Variants in THSD4 observed in about 807,000 individuals in gnomAD.
THSD4 encodes thrombospondin type 1 domain containing 4.
A neutral mutation model predicts 119.0 loss-of-function variants in THSD4; 69 were observed. The ratio of observed to expected loss-of-function variants is 0.58; its 90% CI spans 0.48 to 0.71. THSD4 has a LOEUF of 0.71. THSD4 is among the 30% of genes least tolerant of loss of function. The probability of loss-of-function intolerance (pLI) is 0.00; values close to 1 mark genes in which losing one functional copy is unlikely to be tolerated. For synonymous variants in THSD4, 524 were observed against 540.4 expected, an observed-to-expected ratio of 0.97 and a Z score of 0.42; for missense variants, 1,393 against 1,391.1, an observed-to-expected ratio of 1.00 and a Z score of -0.02.
At chr15:71,369,266 C>G (rs1271067810) in intron 6 of THSD4, among the ~76,000 whole-genome samples, 1 of 152,054 alleles carries the variant, frequency 6.6e-6, no homozygotes, top group East Asian at 1.9e-4. Flanking sequence ...AATTCAATAC[C>G]CTTTATTTCT....
intron 6 of THSD4, among the ~76,000 whole-genome samples, chr15:71,389,810 G>GGTTTTTTT (rs1555408976): frequency 4.5e-5 from 4 of 87,998 alleles, no homozygotes; most frequent in African/African-American, 1.7e-4. Context: ...TTTCTGGGTT[G>GGTTTTTTT]TTTTTTTTTT....
chr15:71,129,419 A>G (rs1283439296), intron 1 of THSD4, among the ~76,000 whole-genome samples: 2 of 152,238 alleles, frequency 1.3e-5, no homozygotes, highest in East Asian at 3.8e-4. Context: ...CAGAAGAGAC[A>G]GGAAGAGAGC....
At chr15:71,609,628 A>G (rs1313687103) in intron 7 of THSD4, among the ~76,000 whole-genome samples, 2 of 152,092 alleles carry the variant, frequency 1.3e-5, no homozygotes, top group Non-Finnish European at 2.9e-5. Context: ...CGAGGCGGGC[A>G]GATCACGAGG....
intron 7 of THSD4, 68 bp downstream of exon 7, chr15:71,411,891 C>T (rs528346341): frequency 1.9e-6 from 3 of 1,593,552 alleles, no homozygotes; most frequent in African/African-American, 1.3e-5. Context: ...CCATTGTTTT[C>T]CAGGGAGAGA....
At chr15:71,475,778 T>C (rs1001283899) in intron 7 of THSD4, among the ~76,000 whole-genome samples, 3 of 152,104 alleles carry the variant, frequency 2.0e-5, no homozygotes, top group Non-Finnish European at 2.9e-5. Flanking sequence ...TTTTTAAAAA[T>C]TAGCTGGGCA....
At chr15:71,098,316 C>T (rs552256309) in intron 1 of THSD4, among the ~76,000 whole-genome samples, 5 of 148,612 alleles carry the variant, frequency 3.4e-5, no homozygotes, top group Non-Finnish European at 7.4e-5. Flanking sequence ...CCACCTCAGC[C>T]TCTCGAGTAG....
chr15:71,139,369 G>A (rs1319763032), intron 1 of THSD4, among the ~76,000 whole-genome samples: 2 of 152,194 alleles, frequency 1.3e-5, no homozygotes, highest in African/African-American at 2.4e-5. Flanking sequence ...CAGGGACTTG[G>A]CAAAGACTTC....
intron 6 of THSD4, among the ~76,000 whole-genome samples, chr15:71,352,884 G>A (rs1010658270): frequency 6.6e-6 from 1 of 152,226 alleles, no homozygotes; most frequent in African/African-American, 2.4e-5. Context: ...GGACATGGGT[G>A]GAAGGACATT....
At position 71,589,364 on chromosome 15, in the gene THSD4, T is replaced by A. The variant is rs536234008; in HGVS notation, c.1153-71166T>A. Among the ~76,000 whole-genome samples, 236 of 131,392 alleles carry A rather than the reference T, an allele frequency of 1.8e-3. 36 individuals carry two copies. Among genetic ancestry groups the A allele is most frequent in the African/African-American group, 5.1e-3 (197 of 38,644 alleles). 86.2% of individuals were successfully genotyped at this position (131,392 alleles called of 152,430 possible). ...ATATAAATTATTTATTTATTTATTT[T>A]TTTATTTATTGGAGACAGAGTCTCA... On this transcript the variant is annotated intron_variant, in intron 7 of 17. Transcript: ENST00000261862.
chr15:71,570,082 C>T (rs957893960), intron 7 of THSD4, among the ~76,000 whole-genome samples: 3 of 152,076 alleles, frequency 2.0e-5, no homozygotes, highest in African/African-American at 7.2e-5. Context: ...ATATATTAGC[C>T]CTTTGACTCA....
At chr15:71,299,398 G>A (rs2140335196) in intron 6 of THSD4, among the ~76,000 whole-genome samples, 1 of 152,310 alleles carries the variant, frequency 6.6e-6, no homozygotes, top group South Asian at 2.1e-4. Context: ...TTGAGCAAAA[G>A]AAAAACAATG....
chr15:71,651,116 C>A (rs1328499141), intron 7 of THSD4, among the ~76,000 whole-genome samples: 1 of 152,162 alleles, frequency 6.6e-6, no homozygotes, highest in Non-Finnish European at 1.5e-5. Context: ...AGGCCTGCCC[C>A]CCAGTGGAGT....
chr15:71,707,806 G>A (rs902212325), intron 8 of THSD4, among the ~76,000 whole-genome samples: 1 of 152,152 alleles, frequency 6.6e-6, no homozygotes, highest in African/African-American at 2.4e-5. Context: ...AACCAAGCAA[G>A]CTAACATTTT....
At chr15:71,462,291 C>G (rs1219822829) in intron 7 of THSD4, among the ~76,000 whole-genome samples, 1 of 152,052 alleles carries the variant, frequency 6.6e-6, no homozygotes, top group Non-Finnish European at 1.5e-5. Context: ...TCTCAAGTAG[C>G]TGAGATTACA....
At chr15:71,233,398 A>G (rs1312696935) in intron 4 of THSD4, among the ~76,000 whole-genome samples, 1 of 152,174 alleles carries the variant, frequency 6.6e-6, no homozygotes, top group Non-Finnish European at 1.5e-5. Flanking sequence ...CATTGCCCAG[A>G]GTTTCCTTTT....
At chr15:71,324,611 C>T (rs1433540457) in intron 6 of THSD4, among the ~76,000 whole-genome samples, 1 of 152,174 alleles carries the variant, frequency 6.6e-6, no homozygotes, top group Admixed American at 6.5e-5. Context: ...CCTCCAGCTC[C>T]ATCCAAGTTG....
Position 71,779,865 on chromosome 15 carries a change from C to T in THSD4, c.*2491C>T, listed in dbSNP as rs996054319. The T allele has an allele frequency of 6.8e-6, 1 of 147,134 alleles. No individual in the cohort carries two copies. Among genetic ancestry groups the T allele is most frequent in the Admixed American group, 6.8e-5 (1 of 14,762 alleles). The allele number at this position is 147,134 out of a possible 1,614,324, so 9.1% of individuals were successfully genotyped here. ...GGGTCTCTTTTTTTTTTTCAACAAA[C>T]CATTGAGCTGTTCTTGGAGTTCATC... On this transcript the variant is annotated 3_prime_UTR_variant, in exon 18 of 18. Transcript: ENST00000261862.
chr15:71,739,292 C>T (rs896299003), intron 11 of THSD4, among the ~76,000 whole-genome samples: 3 of 152,082 alleles, frequency 2.0e-5, no homozygotes, highest in African/African-American at 7.2e-5. Flanking sequence ...CCCCTCACCA[C>T]AAGGGAGTCC....
At chr15:71,376,698 AAGGGATCCC>A in intron 6 of THSD4, among the ~76,000 whole-genome samples, 1 of 152,182 alleles carries the variant, frequency 6.6e-6, no homozygotes, top group Non-Finnish European at 1.5e-5. Flanking sequence ...TTATCCAAGA[AAGGGATCCC>A]AGGTGATGGG....
Sources: allele counts gnomAD v4.1 joint callset (sites outside exome capture counted in the v4.1 genomes callset), GRCh38; gene constraint gnomAD v4.1.1; transcripts MANE v1.5; gene names NCBI Gene and HGNC (gene_info 2026-07-23, HGNC 2026-07-21).